Variants in GLT1D1 observed in about 807,000 individuals in gnomAD.
GLT1D1 encodes the protein glycosyltransferase 1 domain containing 1, also known as glycosyltransferase 1 domain-containing protein 1.
GLT1D1 carries 21 observed loss-of-function variants against 28.7 expected under a neutral mutation model. The observed-to-expected ratio is 0.73, with a 90% confidence interval of 0.52 to 1.05. The LOEUF (loss-of-function observed/expected upper bound fraction) is 1.05. GLT1D1 is among the 50% of genes least tolerant of loss of function. GLT1D1 has a pLI of 0.00. For missense variants in GLT1D1, 343 were observed against 330.6 expected (o/e 1.04, Z -0.29); for synonymous variants, 147 against 124.8 (o/e 1.18, Z -1.19).
At chr12:128,868,406 C>G (rs1167792232) in intron 1 of GLT1D1, among the ~76,000 whole-genome samples, 2 of 151,266 alleles carry the variant, frequency 1.3e-5, no homozygotes, top group Non-Finnish European at 3.0e-5. Context: ...CAGGGAGGGT[C>G]GAGGTATTAG....
chr12:128,875,849 C>A, intron 1 of GLT1D1, 65 bp from the exon 2 acceptor site: 4 of 1,412,590 alleles, frequency 2.8e-6, no homozygotes, highest in Non-Finnish European at 3.9e-6. Flanking sequence ...TTAACTGTAG[C>A]AGCAACCTGT....
chr12:128,911,077 A>C (rs1593120086), intron 4 of GLT1D1, among the ~76,000 whole-genome samples: 1 of 152,164 alleles, frequency 6.6e-6, no homozygotes, highest in East Asian at 1.9e-4. Context: ...TTACAGGCGC[A>C]TGCCGCCACA....
chr12:128,855,223 TAAAAA>T (rs771286662), intron 1 of GLT1D1, among the ~76,000 whole-genome samples: 1 of 81,400 alleles, frequency 1.2e-5, no homozygotes, highest in African/African-American at 4.5e-5. Flanking sequence ...AGACTCCATC[TAAAAA>T]AAAAAAAAAA....
chr12:128,860,079 C>A (rs1029863541), intron 1 of GLT1D1, among the ~76,000 whole-genome samples: 2 of 152,176 alleles, frequency 1.3e-5, no homozygotes, highest in African/African-American at 4.8e-5. Context: ...TCTGAATACC[C>A]TAATGTGGCA....
chr12:128,866,043 A>G (rs1015187249), intron 1 of GLT1D1, among the ~76,000 whole-genome samples: 4 of 150,946 alleles, frequency 2.6e-5, no homozygotes, highest in Admixed American at 2.0e-4. Flanking sequence ...TTTGTTATCC[A>G]CAGATTCCCA....
At chr12:128,939,713 G>T (rs190277561) in intron 4 of GLT1D1, among the ~76,000 whole-genome samples, 2 of 152,048 alleles carry the variant, frequency 1.3e-5, no homozygotes, top group Non-Finnish European at 2.9e-5. Flanking sequence ...AAGTAGGCGC[G>T]TCTTACATGT....
chr12:128,919,666 G>C (rs141403597), intron 4 of GLT1D1, among the ~76,000 whole-genome samples: 1 of 152,122 alleles, frequency 6.6e-6, no homozygotes, highest in Non-Finnish European at 1.5e-5. Flanking sequence ...TTTTTCACAC[G>C]ATATTGACAA....
intron 3 of GLT1D1, among the ~76,000 whole-genome samples, chr12:128,893,743 G>A (rs929740741): frequency 6.6e-6 from 1 of 152,006 alleles, no homozygotes; most frequent in South Asian, 2.1e-4. Context: ...GCACCACCAC[G>A]CCTGGCTAAT....
chr12:128,856,685 C>CAG (rs1201987056), intron 1 of GLT1D1, among the ~76,000 whole-genome samples: 1 of 152,012 alleles, frequency 6.6e-6, no homozygotes, highest in African/African-American at 2.4e-5. Context: ...GGAAATGAGT[C>CAG]AGAGAGAGAG....
At chr12:128,928,605 G>C (rs7967456) in intron 4 of GLT1D1, among the ~76,000 whole-genome samples, 34,156 of 149,278 alleles carry the variant, frequency 0.23, 4,517 homozygotes, top group East Asian at 0.44. Flanking sequence ...AGCTCCGCGT[G>C]TTTGTGGTTT....
chr12:128,897,023 A>G (rs1869727328), intron 3 of GLT1D1, among the ~76,000 whole-genome samples: 2 of 152,164 alleles, frequency 1.3e-5, no homozygotes, highest in Admixed American at 1.3e-4. Flanking sequence ...ATTTTAATTC[A>G]CCAAGTGGGT....
chr12:128,856,710 G>A (rs1214714841), intron 1 of GLT1D1, among the ~76,000 whole-genome samples: 3 of 152,164 alleles, frequency 2.0e-5, no homozygotes, highest in South Asian at 4.1e-4. Flanking sequence ...AATCTGGCTT[G>A]TACATGTGGT....
intron 4 of GLT1D1, among the ~76,000 whole-genome samples, chr12:128,902,071 C>T (rs888115687): frequency 6.6e-6 from 1 of 151,720 alleles, no homozygotes; most frequent in African/African-American, 2.4e-5. Flanking sequence ...TTTGAAAGAT[C>T]TTCATGACTC....
intron 5 of GLT1D1, among the ~76,000 whole-genome samples, chr12:128,946,896 G>A (rs1183707936): frequency 1.3e-5 from 2 of 151,544 alleles, no homozygotes; most frequent in Non-Finnish European, 2.9e-5. Context: ...TGATCTGCCC[G>A]CCTCAGCCTC....
At chr12:128,864,324 A>G in intron 1 of GLT1D1, 2 of 419,384 alleles carry the variant, frequency 4.8e-6, no homozygotes, top group Non-Finnish European at 4.3e-6. Flanking sequence ...ATGATCAGAA[A>G]GGAGACAGGC....
chr12:128,895,458 A>ATTTTT (rs534937317), intron 3 of GLT1D1, among the ~76,000 whole-genome samples: 1 of 137,494 alleles, frequency 7.3e-6, no homozygotes. Context: ...TACAGAAGCT[A>ATTTTT]TTTTTTTTTT....
chr12:128,883,568 C>T (rs571909157), intron 2 of GLT1D1, among the ~76,000 whole-genome samples: 14 of 137,912 alleles, frequency 1.0e-4, no homozygotes, highest in South Asian at 2.3e-4. Flanking sequence ...CTAGCCTGGG[C>T]GACAGAGCTA....
chr12:128,889,567 A>C (rs1868798806), intron 3 of GLT1D1, among the ~76,000 whole-genome samples: 1 of 152,120 alleles, frequency 6.6e-6, no homozygotes, highest in African/African-American at 2.4e-5. Flanking sequence ...GGGTGGGGGA[A>C]GTTATTATCC....
chr12:128,866,218 G>T (rs956705536), intron 1 of GLT1D1, among the ~76,000 whole-genome samples: 3 of 151,768 alleles, frequency 2.0e-5, no homozygotes, highest in Non-Finnish European at 4.4e-5. Context: ...ACAGGTGCCT[G>T]CCACCATGCG....
Sources: gnomAD v4.1 joint callset for allele counts (sites outside exome capture counted in the v4.1 genomes callset) on GRCh38, gnomAD v4.1.1 for gene constraint, MANE v1.5 for transcripts, NCBI Gene and HGNC (gene_info 2026-07-23, HGNC 2026-07-21) for gene names.